The following PEX5L variants were observed in gnomAD, a reference collection of about 807,000 sequenced individuals.
PEX5L encodes the protein peroxisomal biogenesis factor 5 like, also known as PEX5-related protein.
A neutral mutation model predicts 84.0 loss-of-function variants in PEX5L; 30 were observed. That is an observed-to-expected ratio of 0.36 (90% CI 0.27 to 0.48). The LOEUF (loss-of-function observed/expected upper bound fraction) is 0.48, where lower values mean the gene tolerates loss of function less well. PEX5L is among the 20% of genes least tolerant of loss of function. PEX5L has a pLI of 0.99. For synonymous variants in PEX5L, 270 were observed against 283.1 expected, an observed-to-expected ratio of 0.95 and a Z score of 0.46; for missense variants, 533 against 754.6, an observed-to-expected ratio of 0.71 and a Z score of 3.44.
intron 2 of PEX5L, among the ~76,000 whole-genome samples, chr3:179,941,643 G>T (rs1422815490): frequency 1.3e-5 from 2 of 152,136 alleles, no homozygotes; most frequent in African/African-American, 4.8e-5. Context: ...CCACAACATT[G>T]ATTAACCTGG....
At chr3:180,033,907 T>C (rs1203154208) in intron 1 of PEX5L, among the ~76,000 whole-genome samples, 5 of 152,218 alleles carry the variant, frequency 3.3e-5, no homozygotes, top group Non-Finnish European at 7.3e-5. Flanking sequence ...GCTCTATCTG[T>C]AATAGATGCC....
At chr3:180,022,187 A>G (rs1453190712) in intron 1 of PEX5L, among the ~76,000 whole-genome samples, 1 of 152,198 alleles carries the variant, frequency 6.6e-6, no homozygotes, top group Non-Finnish European at 1.5e-5. Flanking sequence ...TGATTTTTAT[A>G]ATGTTACTTC....
At chr3:179,804,454 T>C (rs1720391574) in intron 14 of PEX5L, 1 of 152,200 alleles carries the variant, frequency 6.6e-6, no homozygotes, top group Admixed American at 6.5e-5. Flanking sequence ...GGAGTCCTCA[T>C]TTTTGAAAAG....
Position 179,998,770 on chromosome 3 carries a change from A to G in PEX5L, c.22-27105T>C, listed in dbSNP as rs1172568549. Among the ~76,000 whole-genome samples the G allele has an allele frequency of 9.6e-4, 147 of 152,342 alleles. 2 individuals carry two copies. The highest frequency in any genetic ancestry group is 2.9e-5 in the Non-Finnish European group (2 of 68,028). On this transcript the variant is annotated intron_variant, in intron 1 of 14. Coordinates refer to ENST00000467460, the MANE Select transcript of PEX5L (RefSeq NM_016559.3). ...TCAGGCTGGAACAGGTCCTGAAGGCATAAATAAGTTACATGAAGAAGTGAC... is the reference window on the plus strand; with the variant it reads ...TCAGGCTGGAACAGGTCCTGAAGGCGTAAATAAGTTACATGAAGAAGTGAC...
intron 5 of PEX5L, among the ~76,000 whole-genome samples, chr3:179,877,462 T>A (rs562524823): frequency 6.6e-6 from 1 of 152,312 alleles, no homozygotes; most frequent in East Asian, 1.9e-4. Flanking sequence ...AATATATTAA[T>A]ATATTCTTTT....
chr3:180,024,696 G>C (rs1015099901), intron 1 of PEX5L, among the ~76,000 whole-genome samples: 1 of 152,008 alleles, frequency 6.6e-6, no homozygotes, highest in African/African-American at 2.4e-5. Context: ...GTGTGAGAGA[G>C]AGAGAGAGAA....
At chr3:179,985,253 A>G (rs79993707) in intron 1 of PEX5L, among the ~76,000 whole-genome samples, 1 of 152,190 alleles carries the variant, frequency 6.6e-6, no homozygotes, top group Admixed American at 6.5e-5. Context: ...CATGATTAGC[A>G]TAACAACATA....
chr3:179,866,907 T>A (rs2108618095), intron 7 of PEX5L, among the ~76,000 whole-genome samples: 1 of 151,662 alleles, frequency 6.6e-6, no homozygotes, highest in Non-Finnish European at 1.5e-5. Flanking sequence ...GTGTCTGTAA[T>A]TCCAGCTACT....
intron 14 of PEX5L, chr3:179,804,443 A>G (rs549667597): frequency 1.3e-5 from 2 of 152,354 alleles, no homozygotes; most frequent in South Asian, 4.1e-4. Flanking sequence ...TTTCATCCAA[A>G]GGAGTCCTCA....
At chr3:179,813,695 A>T (rs1388913318) in intron 10 of PEX5L, among the ~76,000 whole-genome samples, 2 of 113,890 alleles carry the variant, frequency 1.8e-5, no homozygotes, top group Admixed American at 1.1e-4. Context: ...TTTGAGACGG[A>T]GTCCCGCTGT....
chr3:180,026,133 CTTTTTTT>C (rs368852075), intron 1 of PEX5L, among the ~76,000 whole-genome samples: 16 of 101,756 alleles, frequency 1.6e-4, no homozygotes, highest in East Asian at 2.8e-4. Flanking sequence ...TTTCAGCATT[CTTTTTTT>C]TTTTTTTTTT....
At chr3:179,908,150 A>T (rs1363629820) in intron 2 of PEX5L, among the ~76,000 whole-genome samples, 10 of 152,358 alleles carry the variant, frequency 6.6e-5, no homozygotes, top group African/African-American at 2.4e-4. Context: ...GTCATTGGCA[A>T]CGTGTGGGTT....
chr3:179,986,743 A>T (rs1350637236), intron 1 of PEX5L, among the ~76,000 whole-genome samples: 3 of 152,168 alleles, frequency 2.0e-5, no homozygotes, highest in Admixed American at 6.5e-5. Flanking sequence ...GAAAGGTCAC[A>T]CAACCTATAA....
chr3:179,917,288 G>A (rs780148498), intron 2 of PEX5L, among the ~76,000 whole-genome samples: 1 of 151,536 alleles, frequency 6.6e-6, no homozygotes, highest in African/African-American at 2.4e-5. Context: ...TGTCTTCTTC[G>A]GGAATCCTTC....
chr3:179,954,123 C>CT (rs946406071), intron 2 of PEX5L, among the ~76,000 whole-genome samples: 1 of 146,218 alleles, frequency 6.8e-6, no homozygotes, highest in Admixed American at 7.0e-5. Context: ...CCAGAGATTT[C>CT]TTTTTTTTTC....
intron 2 of PEX5L, among the ~76,000 whole-genome samples, chr3:179,971,117 C>A (rs370874090): frequency 8.5e-5 from 13 of 152,112 alleles, no homozygotes; most frequent in African/African-American, 9.6e-5. Context: ...TCAGAATCAT[C>A]TTTATATATA....
intron 1 of PEX5L, among the ~76,000 whole-genome samples, chr3:179,998,319 G>T (rs923680865): frequency 2.0e-5 from 3 of 152,188 alleles, no homozygotes; most frequent in African/African-American, 4.8e-5. Flanking sequence ...TAACCCGAAA[G>T]TCTGCCAGTT....
At chr3:179,886,607 A>G (rs1461654078) in intron 4 of PEX5L, among the ~76,000 whole-genome samples, 4 of 152,236 alleles carry the variant, frequency 2.6e-5, no homozygotes, top group Non-Finnish European at 5.9e-5. Flanking sequence ...TTAGTTAAGC[A>G]ACATGCCCCT....
chr3:179,818,815 A>C (rs1727261888), intron 9 of PEX5L, among the ~76,000 whole-genome samples: 2 of 150,270 alleles, frequency 1.3e-5, no homozygotes, highest in Non-Finnish European at 3.0e-5. Flanking sequence ...ATGGTACTCC[A>C]TTGTATATAT....
Sources: allele counts gnomAD v4.1 joint callset (sites outside exome capture counted in the v4.1 genomes callset), GRCh38; gene constraint gnomAD v4.1.1; transcripts MANE v1.5; gene names NCBI Gene and HGNC (gene_info 2026-07-23, HGNC 2026-07-21).